The following KCNG3 variants were observed in gnomAD, a reference collection of about 807,000 sequenced individuals.
KCNG3 encodes voltage-gated potassium channel regulatory subunit KCNG3.
Under a neutral mutation model 29.0 loss-of-function variants are expected in KCNG3, and 15 were observed. That is an observed-to-expected ratio of 0.52 (90% CI 0.35 to 0.80). The LOEUF (loss-of-function observed/expected upper bound fraction) is 0.80. Ranked by LOEUF, KCNG3 falls within the 30% of genes least tolerant of loss-of-function variation. KCNG3 has a pLI of 0.01. For synonymous variants in KCNG3, 322 were observed against 248.9 expected, an observed-to-expected ratio of 1.29 and a Z score of -2.76; for missense variants, 512 against 605.7, an observed-to-expected ratio of 0.85 and a Z score of 1.62.
chr2:42,468,844 A>G (rs529071881), intron 1 of KCNG3, among the ~76,000 whole-genome samples: 6 of 149,988 alleles, frequency 4.0e-5, no homozygotes, highest in Middle Eastern at 3.6e-3. Context: ...AATCTCAACT[A>G]CTCCAGAGGC....
In KCNG3 at chr2:42,493,777, G is replaced by A; in HGVS notation, c.-276C>T. 1 of 297,438 alleles carries A rather than the reference G, an allele frequency of 3.4e-6. No homozygotes were observed. The highest frequency in any genetic ancestry group is 5.5e-5 in the East Asian group (1 of 18,172). 18.4% of individuals were successfully genotyped at this position (297,438 alleles called of 1,614,324 possible). Reference sequence around the variant, plus strand: ...GCTGAGCCCCACCGGCTGGGAACGCGGCTGTGTCCGCGCCGCCGACCCTCG... The same window carrying A: ...GCTGAGCCCCACCGGCTGGGAACGCAGCTGTGTCCGCGCCGCCGACCCTCG... On this transcript the variant is annotated 5_prime_UTR_variant, in exon 1 of 2. Coordinates refer to ENST00000306078, the MANE Select transcript of KCNG3 (RefSeq NM_133329.6).
chr2:42,487,723 A>G (rs1673763006), intron 1 of KCNG3, among the ~76,000 whole-genome samples: 1 of 152,232 alleles, frequency 6.6e-6, no homozygotes, highest in Non-Finnish European at 1.5e-5. Context: ...TGAAAATTAC[A>G]AGTGCATATC....
chr2:42,432,587 C>T, the KCNG3 span, among the ~76,000 whole-genome samples: 1 of 152,116 alleles, frequency 6.6e-6, no homozygotes, highest in East Asian at 1.9e-4. Flanking sequence ...AGCATGAGGT[C>T]AGGTAAAAAA....
chr2:42,407,528 C>A, the KCNG3 span, among the ~76,000 whole-genome samples: 3 of 152,292 alleles, frequency 2.0e-5, no homozygotes, highest in African/African-American at 4.8e-5. Context: ...CAAGTGGGAG[C>A]CCCACCTCTT....
intron 1 of KCNG3, among the ~76,000 whole-genome samples, chr2:42,483,284 C>T (rs1444629674): frequency 6.6e-6 from 1 of 152,134 alleles, no homozygotes; most frequent in Non-Finnish European, 1.5e-5. Flanking sequence ...TTCTGACTTG[C>T]ATATTTTAGA....
At position 42,456,471 on chromosome 2, in the gene KCNG3, C is replaced by G. The variant is rs140535955; in HGVS notation, c.666-11892G>C. On this transcript the variant is annotated intron_variant, in intron 1 of 1. Transcript: ENST00000306078. ...GCCCAGGGCTGCAGTGGGCCATGATCGCACCATATATTCCAGCCTAAGCAA... is the reference window on the plus strand; with the variant it reads ...GCCCAGGGCTGCAGTGGGCCATGATGGCACCATATATTCCAGCCTAAGCAA... Among the ~76,000 whole-genome samples, 275 of 152,152 alleles carry G rather than the reference C, an allele frequency of 1.8e-3. 1 individual carries two copies. Among genetic ancestry groups the G allele is most frequent in the Admixed American group, 1.7e-3 (26 of 15,290 alleles).
chr2:42,403,387 C>A, the KCNG3 span, among the ~76,000 whole-genome samples: 1 of 152,088 alleles, frequency 6.6e-6, no homozygotes. Flanking sequence ...AAGGGTTCCT[C>A]CCACCTTGGC....
At chr2:42,403,479 T>G in the KCNG3 span, among the ~76,000 whole-genome samples, 2 of 87,112 alleles carry the variant, frequency 2.3e-5, no homozygotes, top group African/African-American at 1.3e-4. Context: ...TCTTTTCTGT[T>G]TTTTTTTTTT....
chr2:42,465,428 G>A (rs2103697183), intron 1 of KCNG3, among the ~76,000 whole-genome samples: 1 of 151,808 alleles, frequency 6.6e-6, no homozygotes, highest in Non-Finnish European at 1.5e-5. Context: ...TGTTGCCCAG[G>A]CTGGTCTTGA....
chr2:42,442,872 G>A lies in KCNG3; in HGVS notation c.*1062C>T, dbSNP rs1455532093. 6.6e-6 allele frequency: 1 copy of A among 152,128 alleles called. No homozygotes were observed. Among genetic ancestry groups the A allele is most frequent in the African/African-American group, 2.4e-5 (1 of 41,442 alleles). The allele number at this position is 152,128 out of a possible 1,614,324, so 9.4% of individuals were successfully genotyped here. A position where few individuals can be genotyped will look rare whatever the true frequency, so the allele number is the denominator to read the frequency against. On this transcript the variant is annotated 3_prime_UTR_variant, in exon 2 of 2. Coordinates refer to ENST00000306078, the MANE Select transcript of KCNG3 (RefSeq NM_133329.6). ...GTTAAAGATCAGATCAAATCATTAT[G>A]TATCCATCGCTTTTACTGGCTTAAA...
chr2:42,463,447 C>G (rs1673067448), intron 1 of KCNG3: 1 of 161,358 alleles, frequency 6.2e-6, no homozygotes. Context: ...AAACTCTGCC[C>G]CGTCATTCAC....
intron 1 of KCNG3, among the ~76,000 whole-genome samples, chr2:42,453,489 C>A (rs978918433): frequency 6.6e-6 from 1 of 152,168 alleles, no homozygotes; most frequent in African/African-American, 2.4e-5. Flanking sequence ...TACCTGTTTG[C>A]CATTCGTATG....
In KCNG3 at chr2:42,468,499, T is replaced by C. The variant is rs1673200554; in HGVS notation, c.666-23920A>G. 2.0e-5 allele frequency among the ~76,000 whole-genome samples: 3 copies of C among 152,044 alleles called. No homozygotes were observed. In the South Asian group the frequency reaches 6.2e-4, roughly 31 times the overall value. On this transcript the variant is annotated intron_variant, in intron 1 of 1. Coordinates refer to ENST00000306078, the MANE Select transcript of KCNG3 (RefSeq NM_133329.6). The stretch of plus-strand genomic sequence containing the variant: ...TTTTTAAAAAGGATATAATCAGCAA[T>C]AGCAACACAAGTTATAAGGTACCTA...
At chr2:42,422,145 G>A in the KCNG3 span, among the ~76,000 whole-genome samples, 6 of 152,130 alleles carry the variant, frequency 3.9e-5, no homozygotes, top group Admixed American at 1.3e-4. Context: ...CAATTGCTAC[G>A]GTTTGAATTT....
rs146772686 is a variant in KCNG3, at chr2:42,479,439, T to G, written c.665+13398A>C. On this transcript the variant is annotated intron_variant, in intron 1 of 1. Transcript: ENST00000306078. ...TGGGCAAATCCCTTGAGCTAGGGAG[T>G]TTGAGACCAGTTCTGGGCAACTGAG... Among the ~76,000 whole-genome samples, 171 of 147,546 alleles carry G rather than the reference T, an allele frequency of 1.2e-3. 1 individual carries two copies. The highest frequency in any genetic ancestry group is 4.1e-3 in the African/African-American group (163 of 40,022).
chr2:42,482,064 A>C (rs1017873056), intron 1 of KCNG3, among the ~76,000 whole-genome samples: 41 of 152,180 alleles, frequency 2.7e-4, no homozygotes, highest in Non-Finnish European at 5.4e-4. Flanking sequence ...GCTCAAACAA[A>C]CTGCCTGCCT....
chr2:42,467,545 G>A (rs992145871), intron 1 of KCNG3, among the ~76,000 whole-genome samples: 2 of 150,978 alleles, frequency 1.3e-5, no homozygotes, highest in African/African-American at 4.9e-5. Flanking sequence ...GCACATGCCT[G>A]TAATCCCAGC....
chr2:42,460,455 T>G (rs1038249151), intron 1 of KCNG3, among the ~76,000 whole-genome samples: 1 of 152,060 alleles, frequency 6.6e-6, no homozygotes, highest in African/African-American at 2.4e-5. Flanking sequence ...TAGCAAAGGG[T>G]AAGATATACC....
Position 42,450,289 on chromosome 2 carries a change from T to C in KCNG3, c.666-5710A>G, listed in dbSNP as rs118126773. Among the ~76,000 whole-genome samples, 27 of 152,302 alleles carry C rather than the reference T, an allele frequency of 1.8e-4. No homozygotes were observed. In the East Asian group the frequency reaches 5.2e-3, roughly 29 times the overall value. On this transcript the variant is annotated intron_variant, in intron 1 of 1. Transcript: ENST00000306078. ...CACACCTTAGGTCAGATGCAGTTTA[T>C]TCAGAATTGCACACCAAAGGGATGA...
Sources: gnomAD v4.1 joint callset for allele counts (sites outside exome capture counted in the v4.1 genomes callset) on GRCh38, gnomAD v4.1.1 for gene constraint, MANE v1.5 for transcripts, NCBI Gene and HGNC (gene_info 2026-07-23, HGNC 2026-07-21) for gene names.